TMTC2: variants seen among roughly 807,000 people sequenced by gnomAD.
TMTC2 encodes transmembrane O-mannosyltransferase targeting cadherins 2, also known as protein O-mannosyl-transferase TMTC2.
A neutral mutation model predicts 82.4 loss-of-function variants in TMTC2; 43 were observed. The ratio of observed to expected loss-of-function variants is 0.52; its 90% CI spans 0.41 to 0.67. TMTC2 has a LOEUF of 0.67. TMTC2 is among the 30% of genes least tolerant of loss of function. The pLI is 0.00. For missense variants in TMTC2, 919 were observed against 1,012.4 expected (o/e 0.91, Z 1.25); for synonymous variants, 408 against 381.9 (o/e 1.07, Z -0.80).
intron 10 of TMTC2, among the ~76,000 whole-genome samples, chr12:83,057,480 C>T (rs1486906860): frequency 6.6e-6 from 1 of 151,876 alleles, no homozygotes; most frequent in East Asian, 1.9e-4. Context: ...CTTTTCTGCT[C>T]CATTGTTTTT....
chr12:82,846,998 C>T (rs1226210057), intron 1 of TMTC2, among the ~76,000 whole-genome samples: 2 of 152,100 alleles, frequency 1.3e-5, no homozygotes, highest in Non-Finnish European at 2.9e-5. Context: ...AACAACCCAG[C>T]ACCCCACACT....
intron 3 of TMTC2, among the ~76,000 whole-genome samples, chr12:82,920,968 T>C (rs1043619223): frequency 1.3e-5 from 2 of 152,168 alleles, no homozygotes; most frequent in East Asian, 3.9e-4. Flanking sequence ...ACATATAAAA[T>C]TATATTCCCA....
chr12:82,747,584 C>G (rs751106059), intron 1 of TMTC2, among the ~76,000 whole-genome samples: 7 of 152,048 alleles, frequency 4.6e-5, no homozygotes, highest in Non-Finnish European at 1.0e-4. Context: ...TATTTTTTGT[C>G]TAAAGATTTT....
intron 11 of TMTC2, among the ~76,000 whole-genome samples, chr12:83,085,899 C>T (rs1406090091): frequency 2.6e-5 from 4 of 152,120 alleles, no homozygotes; most frequent in African/African-American, 9.7e-5. Flanking sequence ...TTAAATCTAT[C>T]TCCTGTCATG....
chr12:82,945,084 T>C (rs528681716), intron 4 of TMTC2, among the ~76,000 whole-genome samples: 2 of 152,290 alleles, frequency 1.3e-5, no homozygotes, highest in South Asian at 4.1e-4. Context: ...CTTATAGCAA[T>C]GGAAATTGGT....
At chr12:82,885,466 C>A (rs1258170942) in intron 2 of TMTC2, among the ~76,000 whole-genome samples, 1 of 151,642 alleles carries the variant, frequency 6.6e-6, no homozygotes, top group Non-Finnish European at 1.5e-5. Context: ...ATTTCCTGGG[C>A]TCAAGCAATC....
chr12:82,859,414 A>C (rs2137118914), intron 2 of TMTC2, among the ~76,000 whole-genome samples: 1 of 152,234 alleles, frequency 6.6e-6, no homozygotes, highest in Middle Eastern at 3.4e-3. Flanking sequence ...AAGTTAGGGA[A>C]TTATTTGGCT....
chr12:83,011,603 C>A, intron 8 of TMTC2, among the ~76,000 whole-genome samples: 1 of 152,172 alleles, frequency 6.6e-6, no homozygotes, highest in East Asian at 1.9e-4. Flanking sequence ...ATTAAACTTA[C>A]AGTAACTCCC....
chr12:83,017,615 C>T (rs1880731344), intron 8 of TMTC2, among the ~76,000 whole-genome samples: 1 of 152,112 alleles, frequency 6.6e-6, no homozygotes, highest in Non-Finnish European at 1.5e-5. Flanking sequence ...TTAGTGTCCG[C>T]TGAGTGGGCC....
In TMTC2 at chr12:82,705,934, G is replaced by A. The variant is rs573515461; in HGVS notation, c.83+18265G>A. 2.8e-4 allele frequency among the ~76,000 whole-genome samples: 42 copies of A among 152,314 alleles called. 2 individuals are homozygous for A. In the South Asian group the frequency reaches 8.3e-3, roughly 30 times the overall value. On this transcript the variant is annotated intron_variant, in intron 1 of 11. Coordinates refer to ENST00000321196, the MANE Select transcript of TMTC2 (RefSeq NM_152588.3). ...GTACATAAGAGGGGCACCTGACCCA[G>A]ACTGGGAGGGAAGGAGGCACTTGTG...
chr12:82,837,461 A>T (rs1252918921), intron 1 of TMTC2, among the ~76,000 whole-genome samples: 1 of 152,202 alleles, frequency 6.6e-6, no homozygotes, highest in Non-Finnish European at 1.5e-5. Context: ...AACAAAAAAA[A>T]GGTTACGATG....
chr12:83,076,733 TTAAAC>T (rs1592731677), intron 11 of TMTC2, among the ~76,000 whole-genome samples: 5 of 152,230 alleles, frequency 3.3e-5, no homozygotes, highest in Admixed American at 2.0e-4. Flanking sequence ...CACTGAAACA[TTAAAC>T]TAAAGTTGCT....
At chr12:82,997,431 C>CAG (rs199769481) in intron 8 of TMTC2, among the ~76,000 whole-genome samples, 1,778 of 45,088 alleles carry the variant, frequency 0.039, 84 homozygotes, top group African/African-American at 0.11. Flanking sequence ...TATATATACA[C>CAG]ACAGAGAGAG....
chr12:82,981,890 T>C (rs989764850), intron 7 of TMTC2, among the ~76,000 whole-genome samples: 1 of 151,906 alleles, frequency 6.6e-6, no homozygotes. Flanking sequence ...GATGGTACTT[T>C]TTCCAGTTAT....
Position 83,079,082 on chromosome 12 carries a change from A to G in TMTC2, c.2331+17251A>G, listed in dbSNP as rs570476909. ...TAACTACAAAAAATTAATTGCTTAG[A>G]TCACAGGAAGAGATGAGAACAGGTC... is the stretch of plus-strand genomic sequence containing the variant. On this transcript the variant is annotated intron_variant, in intron 11 of 11. Coordinates refer to ENST00000321196, the MANE Select transcript of TMTC2 (RefSeq NM_152588.3). Among the ~76,000 whole-genome samples, 31 of 152,282 alleles carry G rather than the reference A, an allele frequency of 2.0e-4. 1 individual carries two copies. The South Asian group carries it at 6.2e-3, about 30-fold the overall frequency.
Position 82,896,635 on chromosome 12 carries a change from A to G in TMTC2, c.1472A>G (p.Asn491Ser), listed in dbSNP as rs969429982. Reference sequence around the variant, plus strand: ...CTTTATAGATCAGGGATAAAAGTAAACCCAGCTAAAGGTAATCTTTTATTT... The same window carrying G: ...CTTTATAGATCAGGGATAAAAGTAAGCCCAGCTAAAGGTAATCTTTTATTT... ...EMLYRSGIKV[N>S]PAKAWGNLGN... is the part of the protein sequence containing the mutation. Residue 491 changes from asparagine to serine, a missense_variant, in exon 3 of 12, where the codon AAC becomes AGC. Coordinates refer to ENST00000321196, the MANE Select transcript of TMTC2 (RefSeq NM_152588.3). 1.9e-6 allele frequency: 3 copies of G among 1,603,770 alleles called. No individual in the cohort carries two copies. Among genetic ancestry groups the G allele is most frequent in the Admixed American group, 1.7e-5 (1 of 57,390 alleles).
intron 11 of TMTC2, among the ~76,000 whole-genome samples, chr12:83,128,768 T>A (rs576733991): frequency 1.3e-5 from 2 of 152,280 alleles, no homozygotes; most frequent in African/African-American, 4.8e-5. Context: ...CTAGAAGAAC[T>A]GAAGGAATTC....
chr12:82,769,640 T>C (rs1877177549), intron 1 of TMTC2, among the ~76,000 whole-genome samples: 2 of 152,302 alleles, frequency 1.3e-5, no homozygotes, highest in Middle Eastern at 3.4e-3. Context: ...AAATGGAGTC[T>C]TGCTCTGTCG....
At chr12:83,105,267 T>C (rs951219567) in intron 11 of TMTC2, among the ~76,000 whole-genome samples, 3 of 152,174 alleles carry the variant, frequency 2.0e-5, no homozygotes, top group Admixed American at 1.3e-4. Context: ...CTCTGCCCAT[T>C]ACCAAGTTTC....
Sources: allele counts gnomAD v4.1 joint callset (sites outside exome capture counted in the v4.1 genomes callset), GRCh38; gene constraint gnomAD v4.1.1; transcripts MANE v1.5; gene names NCBI Gene and HGNC (gene_info 2026-07-23, HGNC 2026-07-21).